Variants in KCNQ1 observed in about 807,000 individuals in gnomAD.
KCNQ1 encodes the protein potassium voltage-gated channel subfamily Q member 1.
A neutral mutation model predicts 72.4 loss-of-function variants in KCNQ1; 49 were observed. The observed-to-expected ratio is 0.68, with a 90% CI of 0.54 to 0.86. The LOEUF (loss-of-function observed/expected upper bound fraction) is 0.86. Ranked by LOEUF, KCNQ1 falls within the 40% of genes least tolerant of loss-of-function variation. The pLI is 0.00. For missense variants in KCNQ1, 790 were observed against 945.1 expected, an observed-to-expected ratio of 0.84 and a Z score of 2.15; for synonymous variants, 450 against 412.6, an observed-to-expected ratio of 1.09 and a Z score of -1.10.
chr11:2,654,870 A>G lies in KCNQ1; in HGVS notation c.1394-7091A>G. The G allele has an allele frequency of 2.5e-6, 1 of 398,612 alleles. No homozygotes were observed. Among genetic ancestry groups the G allele is most frequent in the Non-Finnish European group, 4.4e-6 (1 of 226,082 alleles). 24.7% of individuals were successfully genotyped at this position (398,612 alleles called of 1,614,324 possible). On this transcript the variant is annotated intron_variant, in intron 10 of 15. Coordinates refer to ENST00000155840, the MANE Select transcript of KCNQ1 (RefSeq NM_000218.3). This position sits in a 1 kb window ranked among gnomAD's most constrained non-coding sequence, Gnocchi z 6.4. The stretch of plus-strand genomic sequence containing the variant: ...GCAGCTCCAGGCCAGGTGGAGGGAC[A>G]TATTCTGGCAACTCTAGGATAAGAT...
chr11:2,556,225 G>A (rs1041116715), intron 2 of KCNQ1, among the ~76,000 whole-genome samples: 2 of 152,190 alleles, frequency 1.3e-5, no homozygotes, highest in Non-Finnish European at 2.9e-5. Context: ...AGTTGTATGG[G>A]AATAGGGGCC....
In KCNQ1 at chr11:2,652,247, C is replaced by T; in HGVS notation, c.1394-9714C>T. ...GAGAATGAGGCCTGCAACTCATTTC[C>T]CCATTAAACATTCTGAGAACATCTG... On this transcript the variant is annotated intron_variant, in intron 10 of 15. Transcript: ENST00000155840. This position sits in a 1 kb window ranked among gnomAD's most constrained non-coding sequence, Gnocchi z 5.9. 2.5e-6 allele frequency: 1 copy of T among 398,640 alleles called. No individual in the cohort carries two copies. The highest frequency in any genetic ancestry group is 2.1e-5 in the African/African-American group (1 of 48,754). 24.7% of individuals were successfully genotyped at this position (398,640 alleles called of 1,614,324 possible).
At position 2,493,042 on chromosome 11, in the gene KCNQ1, C is replaced by T. The variant is rs1316485151; in HGVS notation, c.387-34886C>T. Among the ~76,000 whole-genome samples, 2 of 152,118 alleles carry T rather than the reference C, an allele frequency of 1.3e-5. No homozygotes were observed. The highest frequency in any genetic ancestry group is 2.9e-5 in the Non-Finnish European group (2 of 68,012). On this transcript the variant is annotated intron_variant, in intron 1 of 15. Coordinates refer to ENST00000155840, the MANE Select transcript of KCNQ1 (RefSeq NM_000218.3). The surrounding 1 kb of genome is among the most constrained non-coding windows in gnomAD (Gnocchi z 5.3). Reference sequence around the variant, plus strand: ...TGTTGTTTCCTGATTTTTTAGTGATCGCCATTCTAACTGGCATGAGATGGT... The same window carrying T: ...TGTTGTTTCCTGATTTTTTAGTGATTGCCATTCTAACTGGCATGAGATGGT...
In KCNQ1 at chr11:2,445,350, G is replaced by C. The variant is rs1316349288; in HGVS notation, c.252G>C (p.Pro84=). 6.3e-7 allele frequency: 1 copy of C among 1,594,620 alleles called. No individual in the cohort carries two copies. The highest frequency in any genetic ancestry group is 2.2e-5 in the East Asian group (1 of 44,654). Residue 84 remains proline, a synonymous_variant, in exon 1 of 16, where the codon CCG becomes CCC. Transcript: ENST00000155840. The part of the protein sequence containing the change: ...PVASDLGPRP[P]VSLDPRVSIY... ...CCTCCGACCTTGGCCCGCGGCCGCC[G>C]GTGAGCCTAGACCCGCGCGTCTCCA...
chr11:2,776,108 C>T (rs1045587071), intron 13 of KCNQ1, 54 bp downstream of exon 13: 17 of 1,433,844 alleles, frequency 1.2e-5, no homozygotes, highest in Non-Finnish European at 1.5e-5. Flanking sequence ...CCCAGCCCGG[C>T]CCCAGCTGCA....
intron 10 of KCNQ1, chr11:2,637,615 A>G (rs185799539): frequency 7.2e-5 from 11 of 152,298 alleles, no homozygotes; most frequent in Admixed American, 3.3e-4. Context: ...TATGTGGTCA[A>G]TTTTGGAATA....
Position 2,620,302 on chromosome 11 carries a change from C to T in KCNQ1, c.1393+31448C>T, listed in dbSNP as rs141978546. 1,366 of 207,676 alleles carry T rather than the reference C, an allele frequency of 6.6e-3. 31 individuals carry two copies. The East Asian group carries it at 0.076, about 12-fold the overall frequency. The allele number at this position is 207,676 out of a possible 1,614,324, so 12.9% of individuals were successfully genotyped here. A position where few individuals can be genotyped will look rare whatever the true frequency, so the allele number is the denominator to read the frequency against. The stretch of plus-strand genomic sequence containing the variant: ...CATGATCTCGGCTCACTGCAGCCTC[C>T]GCCTACCGGGTTCAAGTGATTCTCC... On this transcript the variant is annotated intron_variant, in intron 10 of 15. Transcript: ENST00000155840. The surrounding 1 kb of genome is among the most constrained non-coding windows in gnomAD (Gnocchi z 4.5).
rs939246905 is a variant in KCNQ1 at position 2,713,257 on chromosome 11, G to A, written c.1514+51176G>A. On this transcript the variant is annotated intron_variant, in intron 11 of 15. Coordinates refer to ENST00000155840, the MANE Select transcript of KCNQ1 (RefSeq NM_000218.3). This position sits in a 1 kb window ranked among gnomAD's most constrained non-coding sequence, Gnocchi z 5.6. Reference sequence around the variant, plus strand: ...CGGACCTGCATCCCGCTCCTCCTCCGCTCCCTGGAAACGTTCCCTGAATCA... The same window carrying A: ...CGGACCTGCATCCCGCTCCTCCTCCACTCCCTGGAAACGTTCCCTGAATCA... Among the ~76,000 whole-genome samples the A allele has an allele frequency of 5.9e-5, 9 of 152,062 alleles. No individual in the cohort carries two copies. The highest frequency in any genetic ancestry group is 2.1e-4 in the South Asian group (1 of 4,832).
chr11:2,664,575 C>T lies in KCNQ1; in HGVS notation c.1514+2494C>T, dbSNP rs1850030069. 1 of 398,668 alleles carries T rather than the reference C, an allele frequency of 2.5e-6. No individual in the cohort carries two copies. Among genetic ancestry groups the T allele is most frequent in the Non-Finnish European group, 4.4e-6 (1 of 226,110 alleles). The allele number at this position is 398,668 out of a possible 1,614,324, so 24.7% of individuals were successfully genotyped here. A position where few individuals can be genotyped will look rare whatever the true frequency, so the allele number is the denominator to read the frequency against. On this transcript the variant is annotated intron_variant, in intron 11 of 15. Transcript: ENST00000155840. This position sits in a 1 kb window ranked among gnomAD's most constrained non-coding sequence, Gnocchi z 5.1. ...GGGGGCCGTGCAGGTCTTCTGCCCG[C>T]ATTGGGGCTGCATTCCTCCACCTCC...
chr11:2,712,583 TTC>T lies in KCNQ1; in HGVS notation c.1514+50508_1514+50509del, dbSNP rs1564868036. Among the ~76,000 whole-genome samples, 1 of 152,288 alleles carries T rather than the reference TTC, an allele frequency of 6.6e-6. No individual in the cohort carries two copies. Among genetic ancestry groups the T allele is most frequent in the East Asian group, 1.9e-4 (1 of 5,180 alleles). ...CTGGCGGCCCAAATGTTAGACACTC[TTC>T]TCTCTTAGGTGGTTTGAGGAGACTT... On this transcript the variant is annotated intron_variant, in intron 11 of 15. Transcript: ENST00000155840. The surrounding 1 kb of genome is among the most constrained non-coding windows in gnomAD (Gnocchi z 6.4).
intron 6 of KCNQ1, among the ~76,000 whole-genome samples, chr11:2,576,283 T>C (rs1848421617): frequency 6.6e-6 from 1 of 152,158 alleles, no homozygotes; most frequent in Non-Finnish European, 1.5e-5. Flanking sequence ...GAGTGTCCCC[T>C]CCTGTCCCCT....
chr11:2,640,781 C>A, intron 10 of KCNQ1: 1 of 398,440 alleles, frequency 2.5e-6, no homozygotes, highest in Non-Finnish European at 4.4e-6. Flanking sequence ...ATTATTTATT[C>A]TAACTAGCTG....
At chr11:2,629,018 A>C (rs560868633) in intron 10 of KCNQ1, 4 of 398,174 alleles carry the variant, frequency 1.0e-5, no homozygotes, top group African/African-American at 2.1e-5. Context: ...CAAAATAAGC[A>C]TGTGTAATAT....
At position 2,565,223 on chromosome 11, in the gene KCNQ1, T is replaced by C. The variant is rs573013538; in HGVS notation, c.478-5405T>C. ...GTCATTTCACGCTTTAAAGGAGCTG[T>C]GGCATTCTACATCCCCCAGCAGCAC... On this transcript the variant is annotated intron_variant, in intron 2 of 15. Coordinates refer to ENST00000155840, the MANE Select transcript of KCNQ1 (RefSeq NM_000218.3). This position sits in a 1 kb window ranked among gnomAD's most constrained non-coding sequence, Gnocchi z 5.6. Among the ~76,000 whole-genome samples the C allele has an allele frequency of 3.9e-5, 6 of 152,336 alleles. No individual in the cohort carries two copies. The South Asian group carries it at 1.2e-3, about 32-fold the overall frequency.
intron 11 of KCNQ1, among the ~76,000 whole-genome samples, chr11:2,751,315 C>T (rs1177231264): frequency 6.6e-6 from 1 of 152,238 alleles, no homozygotes; most frequent in African/African-American, 2.4e-5. Flanking sequence ...CCACCCCCCA[C>T]TTGCAGAGAA....
intron 11 of KCNQ1, among the ~76,000 whole-genome samples, chr11:2,729,601 G>A (rs980516411): frequency 6.6e-6 from 1 of 152,238 alleles, no homozygotes; most frequent in African/African-American, 2.4e-5. Flanking sequence ...AACTTGTACA[G>A]GCTTTTTGTC....
At chr11:2,502,734 C>G (rs971833470) in intron 1 of KCNQ1, among the ~76,000 whole-genome samples, 3 of 152,174 alleles carry the variant, frequency 2.0e-5, no homozygotes, top group Non-Finnish European at 4.4e-5. Flanking sequence ...TCAAAGCTAT[C>G]CTGAGCAAAA....
rs113637415 is a variant in KCNQ1, at chr11:2,617,676, C to A, written c.1393+28822C>A. ...ATGACTGCACCAATCTACAGTCCCA[C>A]CAACACTGTACAAGAGTTCCCTAAC... is the stretch of plus-strand genomic sequence containing the variant. On this transcript the variant is annotated intron_variant, in intron 10 of 15. Coordinates refer to ENST00000155840, the MANE Select transcript of KCNQ1 (RefSeq NM_000218.3). The surrounding 1 kb of genome is among the most constrained non-coding windows in gnomAD (Gnocchi z 4.6). 2.5e-6 allele frequency: 1 copy of A among 398,362 alleles called. No individual in the cohort carries two copies. The highest frequency in any genetic ancestry group is 1.3e-4 in the South Asian group (1 of 7,856). 24.7% of individuals were successfully genotyped at this position (398,362 alleles called of 1,614,324 possible). A position where few individuals can be genotyped will look rare whatever the true frequency, so the allele number is the denominator to read the frequency against.
chr11:2,838,035 G>C (rs16928731), intron 15 of KCNQ1, among the ~76,000 whole-genome samples: 4,081 of 152,372 alleles, frequency 0.027, 159 homozygotes, highest in African/African-American at 0.094. Context: ...TGGTGGCAAC[G>C]TGGGACAGAC....
Sources: gnomAD v4.1 joint callset for allele counts (sites outside exome capture counted in the v4.1 genomes callset) on GRCh38, gnomAD v4.1.1 for gene constraint, Gnocchi (gnomAD v3.1) non-coding constraint, MANE v1.5 for transcripts, NCBI Gene and HGNC (gene_info 2026-07-23, HGNC 2026-07-21) for gene names.